Variants in TRIM9 observed in about 807,000 individuals in gnomAD.
TRIM9 encodes tripartite motif containing 9, also known as E3 ubiquitin-protein ligase TRIM9.
TRIM9 carries 26 observed loss-of-function variants against 78.3 expected under a neutral mutation model. That is an observed-to-expected ratio of 0.33 (90% CI 0.24 to 0.46). The LOEUF (loss-of-function observed/expected upper bound fraction) is 0.46. Among genes scored for constraint, TRIM9 ranks in the 20% least tolerant of loss-of-function variants. TRIM9 has a pLI of 1.00. For missense variants in TRIM9, 787 were observed against 1,036.4 expected (o/e 0.76, Z 3.30); for synonymous variants, 398 against 416.5 (o/e 0.96, Z 0.54).
rs546680659 is a variant in TRIM9, at chr14:50,996,899, G to A, written c.1603+1151C>T. 205 of 985,396 alleles carry A rather than the reference G, an allele frequency of 2.1e-4. No homozygotes were observed. The African/African-American group carries it at 3.4e-3, about 16-fold the overall frequency. The allele number at this position is 985,396 out of a possible 1,614,324, so 61.0% of individuals were successfully genotyped here. A position where few individuals can be genotyped will look rare whatever the true frequency, so the allele number is the denominator to read the frequency against. ...CCCCAAAGCACTGTTTTCACGGCTA[G>A]GGGCCTTTCATCCTTGCTGTAGGAT... is the stretch of plus-strand genomic sequence containing the variant. On this transcript the variant is annotated intron_variant, in intron 7 of 12. Coordinates refer to ENST00000684578, the MANE Select transcript of TRIM9 (RefSeq NM_001387360.1).
rs370245065 is a variant in TRIM9, at chr14:51,033,047, C to T, written c.823-7687G>A. Among the ~76,000 whole-genome samples, 14 of 152,260 alleles carry T rather than the reference C, an allele frequency of 9.2e-5. No homozygotes were observed. The East Asian group carries it at 2.3e-3, about 25-fold the overall frequency. ...AATCTGAAACACTACTGGTCCTAAT[C>T]ATTCTGGATAAGAGATAATCAACCA... On this transcript the variant is annotated intron_variant, in intron 1 of 12. Coordinates refer to ENST00000684578, the MANE Select transcript of TRIM9 (RefSeq NM_001387360.1).
Position 51,000,803 on chromosome 14 carries a change from C to T in TRIM9, c.1344G>A (p.Leu448=). 6 of 1,614,218 alleles carry T rather than the reference C, an allele frequency of 3.7e-6. No homozygotes were observed. Among genetic ancestry groups the T allele is most frequent in the Non-Finnish European group, 5.1e-6 (6 of 1,180,038 alleles). ...SPVPATPILQ[L]EECCTHNNSA... ...TGTTGTTGTGGGTACAACATTCCTC[C>T]AGCTGTAGGATAGGGGTTGCTGGGA... is the stretch of plus-strand genomic sequence containing the variant. Residue 448 remains leucine (L), a synonymous_variant, in exon 6 of 13, where the codon CTG becomes CTA. Coordinates refer to ENST00000684578, the MANE Select transcript of TRIM9 (RefSeq NM_001387360.1).
At position 51,025,327 on chromosome 14, in the gene TRIM9, C is replaced by G. The variant is rs1596204550; in HGVS notation, c.856G>C (p.Asp286His). Residue 286 changes from aspartate (D) to histidine (H), a missense_variant, in exon 2 of 13, where the codon GAC (aspartate) becomes CAC (histidine). Physicochemically the swap from Asp to His is moderately conservative, Grantham distance 81. Around this residue, in one of 3 missense-constraint regions of TRIM9, gnomAD observed 352 missense variants for 472.3 expected, o/e 0.75. Transcript: ENST00000684578. ...AACTCCTTGGCTTCTTTGGCCCTGT[C>G]TGACAGTCCGTTCAGCGCCTGGGAG... ...QLSQALNGLS[D>H]RAKEAKEFLV... The G allele has an allele frequency of 6.2e-7, 1 of 1,614,184 alleles. No individual in the cohort carries two copies. Among genetic ancestry groups the G allele is most frequent in the Non-Finnish European group, 8.5e-7 (1 of 1,180,036 alleles).
intron 1 of TRIM9, among the ~76,000 whole-genome samples, chr14:51,093,858 C>T (rs1340163244): frequency 6.6e-6 from 1 of 152,260 alleles, no homozygotes; most frequent in Non-Finnish European, 1.5e-5. Context: ...GCCCTGAGTC[C>T]CGCTCGCAGG....
chr14:51,051,692 C>T (rs996211756), intron 1 of TRIM9, among the ~76,000 whole-genome samples: 7 of 152,224 alleles, frequency 4.6e-5, no homozygotes, highest in Middle Eastern at 3.4e-3. Flanking sequence ...ATAGGCCGGG[C>T]GCAGTGGCTC....
At chr14:50,997,087 A>T (rs1353801751) in intron 7 of TRIM9, 15 of 985,314 alleles carry the variant, frequency 1.5e-5, no homozygotes, top group Non-Finnish European at 1.4e-5. Flanking sequence ...GAAGTTATGG[A>T]GAATCCCGGT....
intron 10 of TRIM9, chr14:50,982,392 C>T (rs2052063159): frequency 4.2e-6 from 2 of 474,930 alleles, no homozygotes; most frequent in Middle Eastern, 1.2e-3. Flanking sequence ...AGGTGCAAGT[C>T]CCTTCACCTG....
At chr14:51,073,800 A>G (rs1358914887) in intron 1 of TRIM9, among the ~76,000 whole-genome samples, 1 of 152,192 alleles carries the variant, frequency 6.6e-6, no homozygotes, top group African/African-American at 2.4e-5. Flanking sequence ...TTTCTGTAAC[A>G]TATCTTTTTT....
At chr14:50,979,235 G>C (rs976172590) in intron 12 of TRIM9, 152 bp downstream of exon 12, 53 of 1,500,686 alleles carry the variant, frequency 3.5e-5, no homozygotes, top group Non-Finnish European at 4.5e-5. Context: ...TAAGTTGCCA[G>C]TGCTGATCCC....
At chr14:50,993,692 C>T (rs578056187) in intron 7 of TRIM9, among the ~76,000 whole-genome samples, 1 of 152,290 alleles carries the variant, frequency 6.6e-6, no homozygotes, top group South Asian at 2.1e-4. Context: ...CACAGCGCTG[C>T]TTCATTTTGA....
At chr14:51,022,343 G>C (rs916563353) in intron 3 of TRIM9, among the ~76,000 whole-genome samples, 1 of 152,082 alleles carries the variant, frequency 6.6e-6, no homozygotes, top group African/African-American at 2.4e-5. Flanking sequence ...TCCCATGCTC[G>C]CCTGTCCTTC....
chr14:50,994,720 G>A (rs2053972999), intron 7 of TRIM9, among the ~76,000 whole-genome samples: 1 of 152,190 alleles, frequency 6.6e-6, no homozygotes, highest in South Asian at 2.1e-4. Context: ...GCTGTGTAAT[G>A]TTTTCAACAG....
chr14:51,043,998 T>C (rs2059758415), intron 1 of TRIM9, among the ~76,000 whole-genome samples: 1 of 152,230 alleles, frequency 6.6e-6, no homozygotes, highest in Non-Finnish European at 1.5e-5. Flanking sequence ...GAGAATCTGA[T>C]AGACTGGAGC....
chr14:51,081,322 T>G (rs2063288859), intron 1 of TRIM9, among the ~76,000 whole-genome samples: 2 of 152,120 alleles, frequency 1.3e-5, no homozygotes, highest in Non-Finnish European at 2.9e-5. Context: ...CTAGAAAGAC[T>G]ATAATAAAAA....
At chr14:50,977,432 C>G in intron 12 of TRIM9, 79 bp from the exon 13 acceptor site, 3 of 1,147,136 alleles carry the variant, frequency 2.6e-6, no homozygotes, top group South Asian at 5.8e-5. Flanking sequence ...GGGTGTGTCC[C>G]TAACTCAAAA....
intron 1 of TRIM9, among the ~76,000 whole-genome samples, chr14:51,056,539 C>T (rs915061319): frequency 1.3e-5 from 2 of 152,218 alleles, no homozygotes; most frequent in South Asian, 4.1e-4. Context: ...CCAACATTTT[C>T]CAGGCAGTTT....
intron 12 of TRIM9, among the ~76,000 whole-genome samples, chr14:50,978,311 C>T (rs188368716): frequency 2.0e-5 from 3 of 152,316 alleles, no homozygotes; most frequent in Admixed American, 1.3e-4. Flanking sequence ...GAATGAGGCT[C>T]ATAGTTGTTA....
chr14:51,058,842 A>G (rs1287990076), intron 1 of TRIM9, among the ~76,000 whole-genome samples: 1 of 152,268 alleles, frequency 6.6e-6, no homozygotes, highest in African/African-American at 2.4e-5. Context: ...CTTTTGGAAG[A>G]ATAAGAAAAA....
At chr14:51,027,303 C>G (rs75704983) in intron 1 of TRIM9, among the ~76,000 whole-genome samples, 1 of 151,970 alleles carries the variant, frequency 6.6e-6, no homozygotes, top group Non-Finnish European at 1.5e-5. Flanking sequence ...ACCACCACAC[C>G]GAGTGAACTT....
Sources: allele counts gnomAD v4.1 joint callset (sites outside exome capture counted in the v4.1 genomes callset), GRCh38; gene constraint gnomAD v4.1.1; regional missense constraint gnomAD v4.1.1; transcripts MANE v1.5; gene names NCBI Gene and HGNC (gene_info 2026-07-23, HGNC 2026-07-21).